ADAMTS3: variants seen among roughly 807,000 people sequenced by gnomAD.
ADAMTS3 encodes A disintegrin and metalloproteinase with thrombospondin motifs 3.
In ADAMTS3, 73 loss-of-function variants were observed where a neutral mutation model predicts 129.0. That is an observed-to-expected ratio of 0.57 (90% CI 0.47 to 0.69). The LOEUF is 0.69. Among genes scored for constraint, ADAMTS3 ranks in the 30% least tolerant of loss-of-function variants. The pLI, the probability that ADAMTS3 is intolerant of heterozygous loss-of-function variation, is 0.00. For synonymous variants in ADAMTS3, 477 were observed against 510.8 expected, an observed-to-expected ratio of 0.93 and a Z score of 0.89; for missense variants, 1,457 against 1,514.5, an observed-to-expected ratio of 0.96 and a Z score of 0.63.
intron 3 of ADAMTS3, among the ~76,000 whole-genome samples, chr4:72,467,646 T>G (rs891942369): frequency 6.6e-6 from 1 of 151,986 alleles, no homozygotes; most frequent in African/African-American, 2.4e-5. Flanking sequence ...CACCCCAAAC[T>G]CTCTACTGTT....
chr4:72,423,072 T>C (rs1478490212), intron 3 of ADAMTS3, among the ~76,000 whole-genome samples: 4 of 152,166 alleles, frequency 2.6e-5, no homozygotes, highest in African/African-American at 9.6e-5. Context: ...ACACCTTCCA[T>C]TTCTAACTGT....
intron 4 of ADAMTS3, 76 bp from the exon 5 acceptor site, chr4:72,339,769 T>C (rs1279203724): frequency 1.7e-6 from 2 of 1,196,756 alleles, no homozygotes; most frequent in African/African-American, 3.0e-5. Flanking sequence ...AAAAAAAGAA[T>C]CTTCTCAGGG....
At chr4:72,316,118 C>G (rs1458783209) in intron 10 of ADAMTS3, 147 bp from the exon 11 acceptor site, 1 of 429,296 alleles carries the variant, frequency 2.3e-6, no homozygotes, top group Non-Finnish European at 4.1e-6. Flanking sequence ...TGAAAAAAAA[C>G]TGCATAAGAA....
chr4:72,472,921 T>A (rs1400970423), intron 3 of ADAMTS3, among the ~76,000 whole-genome samples: 1 of 152,132 alleles, frequency 6.6e-6, no homozygotes, highest in East Asian at 1.9e-4. Context: ...ACCATGAGTA[T>A]GAGTGAAAGA....
intron 3 of ADAMTS3, among the ~76,000 whole-genome samples, chr4:72,446,372 T>C (rs896206069): frequency 2.0e-5 from 3 of 151,558 alleles, no homozygotes; most frequent in Non-Finnish European, 3.0e-5. Context: ...GAGACCTCAA[T>C]AGGACTGGAT....
intron 3 of ADAMTS3, among the ~76,000 whole-genome samples, chr4:72,471,529 T>C (rs1709214917): frequency 6.6e-6 from 1 of 152,210 alleles, no homozygotes; most frequent in Middle Eastern, 3.4e-3. Context: ...TTTTAAAATA[T>C]TTGTTTCATT....
At chr4:72,480,758 G>GAA (rs569494669) in intron 3 of ADAMTS3, among the ~76,000 whole-genome samples, 2 of 137,630 alleles carry the variant, frequency 1.5e-5, no homozygotes, top group Non-Finnish European at 3.2e-5. Flanking sequence ...ATGTATACTG[G>GAA]AAAAAAAAAA....
intron 18 of ADAMTS3, among the ~76,000 whole-genome samples, chr4:72,297,397 C>T (rs1217014113): frequency 6.6e-6 from 1 of 152,070 alleles, no homozygotes; most frequent in African/African-American, 2.4e-5. Flanking sequence ...GTATTCTTCC[C>T]TCAAGAAAAC....
At chr4:72,480,050 T>C (rs2110004460) in intron 3 of ADAMTS3, among the ~76,000 whole-genome samples, 1 of 152,146 alleles carries the variant, frequency 6.6e-6, no homozygotes, top group East Asian at 1.9e-4. Flanking sequence ...AAACAACAGG[T>C]GCTAGAGAGG....
chr4:72,475,816 A>C (rs1719214284), intron 3 of ADAMTS3, among the ~76,000 whole-genome samples: 1 of 152,124 alleles, frequency 6.6e-6, no homozygotes, highest in Non-Finnish European at 1.5e-5. Flanking sequence ...TGACTATAAC[A>C]GAATCAATCT....
At chr4:72,286,147 C>T (rs1446732528) in intron 21 of ADAMTS3, among the ~76,000 whole-genome samples, 1 of 152,134 alleles carries the variant, frequency 6.6e-6, no homozygotes, top group Non-Finnish European at 1.5e-5. Context: ...TTTCTTCTGG[C>T]TAAAGAAGGA....
intron 13 of ADAMTS3, among the ~76,000 whole-genome samples, chr4:72,311,436 T>G (rs1464513121): frequency 6.6e-6 from 1 of 151,966 alleles, no homozygotes; most frequent in Non-Finnish European, 1.5e-5. Context: ...GAACAACAGG[T>G]ATAAACTGGG....
intron 3 of ADAMTS3, among the ~76,000 whole-genome samples, chr4:72,499,819 C>A (rs1237383568): frequency 1.3e-5 from 2 of 152,078 alleles, no homozygotes; most frequent in African/African-American, 4.8e-5. Context: ...TCATTCCCAT[C>A]TTTATGTCCA....
At chr4:72,428,732 T>A (rs1722627953) in intron 3 of ADAMTS3, among the ~76,000 whole-genome samples, 1 of 152,034 alleles carries the variant, frequency 6.6e-6, no homozygotes, top group Non-Finnish European at 1.5e-5. Flanking sequence ...TCTCTGGAGC[T>A]CAGTTTCATA....
intron 4 of ADAMTS3, among the ~76,000 whole-genome samples, chr4:72,405,521 C>G: frequency 6.6e-6 from 1 of 152,130 alleles, no homozygotes; most frequent in East Asian, 1.9e-4. Flanking sequence ...AGTTCTCACA[C>G]AGTACATTAA....
chr4:72,368,245 C>T (rs746665586), intron 4 of ADAMTS3, among the ~76,000 whole-genome samples: 1 of 152,104 alleles, frequency 6.6e-6, no homozygotes, highest in Non-Finnish European at 1.5e-5. Flanking sequence ...CAATATTACT[C>T]CCGAAGCCAT....
chr4:72,387,545 C>A (rs1192061316), intron 4 of ADAMTS3, among the ~76,000 whole-genome samples: 1 of 152,170 alleles, frequency 6.6e-6, no homozygotes, highest in Admixed American at 6.5e-5. Context: ...AGTCAAGCTA[C>A]CTAGCAACTG....
intron 4 of ADAMTS3, among the ~76,000 whole-genome samples, chr4:72,413,278 T>C (rs1003980978): frequency 1.3e-5 from 2 of 151,982 alleles, no homozygotes; most frequent in African/African-American, 4.8e-5. Flanking sequence ...TACAATTCCA[T>C]AGCATGTGGC....
intron 3 of ADAMTS3, among the ~76,000 whole-genome samples, chr4:72,450,001 G>A (rs1718351830): frequency 6.6e-6 from 1 of 151,570 alleles, no homozygotes. Context: ...GTTTTCCTGT[G>A]TGTATATTGG....
Sources: allele counts gnomAD v4.1 joint callset (sites outside exome capture counted in the v4.1 genomes callset), GRCh38; gene constraint gnomAD v4.1.1; transcripts MANE v1.5; gene names NCBI Gene and HGNC (gene_info 2026-07-23, HGNC 2026-07-21).